Variants in RIC3 observed in about 807,000 individuals in gnomAD.
RIC3 encodes RIC3 acetylcholine receptor chaperone, also known as protein RIC-3.
A neutral mutation model predicts 27.3 loss-of-function variants in RIC3; 28 were observed. The observed-to-expected ratio is 1.02, with a 90% CI of 0.76 to 1.41. The LOEUF (loss-of-function observed/expected upper bound fraction) is 1.41, where lower values mean the gene tolerates loss of function less well. Among genes scored for constraint, RIC3 ranks in the 40% most tolerant of loss-of-function variants. RIC3 has a pLI of 0.00. For synonymous variants in RIC3, 184 were observed against 160.4 expected (o/e 1.15, Z -1.11); for missense variants, 501 against 444.7 (o/e 1.13, Z -1.14).
the RIC3 span, chr11:8,097,739 G>C: frequency 6.2e-7 from 1 of 1,614,046 alleles, no homozygotes; most frequent in Non-Finnish European, 8.5e-7. Flanking sequence ...GGAAGGAAGA[G>C]AAAGAAGAGT....
chr11:8,129,548 C>T (rs571850836), intron 4 of RIC3, among the ~76,000 whole-genome samples: 1 of 151,642 alleles, frequency 6.6e-6, no homozygotes, highest in South Asian at 2.1e-4. Context: ...ACTGCATGAA[C>T]AGGAAGACCA....
At chr11:8,156,121 G>A (rs769661165) in intron 1 of RIC3, among the ~76,000 whole-genome samples, 2 of 151,762 alleles carry the variant, frequency 1.3e-5, no homozygotes, top group African/African-American at 2.4e-5. Context: ...CACAGGGCCC[G>A]ATCCACACAC....
intron 5 of RIC3, among the ~76,000 whole-genome samples, chr11:8,124,743 T>C (rs145803305): frequency 6.6e-6 from 1 of 152,264 alleles, no homozygotes; most frequent in African/African-American, 2.4e-5. Context: ...AACTGGTTTG[T>C]CAAGCAAATG....
intron 1 of RIC3, chr11:8,153,320 C>CTT (rs1486912491): frequency 5.2e-6 from 2 of 386,724 alleles, no homozygotes; most frequent in East Asian, 7.5e-5. Context: ...GAATCTCTGT[C>CTT]TTTAAAAAGA....
chr11:8,145,531 A>C (rs544288748), intron 1 of RIC3, among the ~76,000 whole-genome samples: 1 of 151,948 alleles, frequency 6.6e-6, no homozygotes, highest in Non-Finnish European at 1.5e-5. Flanking sequence ...GTAGGTATAC[A>C]TCTCTTTCCA....
At chr11:8,096,568 T>C in the RIC3 span, 4 of 737,498 alleles carry the variant, frequency 5.4e-6, no homozygotes, top group Non-Finnish European at 9.9e-6. Flanking sequence ...AGTGTGTGCA[T>C]AAGTTTGTGG....
chr11:8,163,028 CACACACACACACACACACACACAT>C (rs1951328507), intron 1 of RIC3, among the ~76,000 whole-genome samples: 1 of 143,562 alleles, frequency 7.0e-6, no homozygotes, highest in South Asian at 2.3e-4. Context: ...AACACACACA[CACACACACACACACACACACACAT>C]ACACACACAC....
At chr11:8,134,864 T>A (rs1364126002) in intron 4 of RIC3, among the ~76,000 whole-genome samples, 1 of 152,216 alleles carries the variant, frequency 6.6e-6, no homozygotes. Context: ...GTAAATTTGT[T>A]TGAGTTCATC....
intron 4 of RIC3, among the ~76,000 whole-genome samples, chr11:8,136,430 C>A (rs1200735747): frequency 6.6e-6 from 1 of 152,218 alleles, no homozygotes; most frequent in Non-Finnish European, 1.5e-5. Flanking sequence ...GAAGACCTAG[C>A]TGAAACTGAA....
At chr11:8,140,816 G>A (rs151025993) in intron 1 of RIC3, among the ~76,000 whole-genome samples, 1 of 152,090 alleles carries the variant, frequency 6.6e-6, no homozygotes, top group African/African-American at 2.4e-5. Flanking sequence ...AGAAAATACA[G>A]ACTAACAGCG....
chr11:8,094,336 G>A, the RIC3 span: 94 of 1,101,054 alleles, frequency 8.5e-5, no homozygotes, highest in African/African-American at 1.4e-3. Flanking sequence ...ACCCCCTCAG[G>A]TGGCTCACAG....
At chr11:8,150,369 TGGA>T (rs1162617359) in intron 1 of RIC3, among the ~76,000 whole-genome samples, 2 of 152,220 alleles carry the variant, frequency 1.3e-5, no homozygotes, top group African/African-American at 4.8e-5. Flanking sequence ...ATAGAGCTCA[TGGA>T]GGAGTTGTCA....
At chr11:8,122,440 T>G (rs913416894) in intron 5 of RIC3, among the ~76,000 whole-genome samples, 4 of 152,198 alleles carry the variant, frequency 2.6e-5, no homozygotes, top group Non-Finnish European at 5.9e-5. Context: ...TATTGCTAAG[T>G]GTATACCACA....
rs1363669637 is a variant in RIC3 at position 8,137,461 on chromosome 11, C to T, written c.438G>A (p.Glu146=). 1 of 1,613,842 alleles carries T rather than the reference C, an allele frequency of 6.2e-7. No homozygotes were observed. The highest frequency in any genetic ancestry group is 1.1e-5 in the South Asian group (1 of 91,084). ...GNTHRKITSF[E]LAQLQEKLKE... ...TCAGTTTTTCTTGCAGTTGAGCAAG[C>T]TCAAAACTGGCTAAAAAATAAGCAA... is the stretch of plus-strand genomic sequence containing the variant. Residue 146 remains glutamate, a synonymous_variant, in exon 4 of 6, where the codon GAG becomes GAA. Transcript: ENST00000309737.
chr11:8,121,970 T>C (rs113181707), intron 5 of RIC3, among the ~76,000 whole-genome samples: 713 of 152,262 alleles, frequency 4.7e-3, no homozygotes, highest in Non-Finnish European at 8.2e-3. Context: ...GGCATGCACC[T>C]GGAGTCCCAG....
intron 1 of RIC3, among the ~76,000 whole-genome samples, chr11:8,153,881 G>C (rs2134159509): frequency 6.6e-6 from 1 of 152,168 alleles, no homozygotes; most frequent in African/African-American, 2.4e-5. Context: ...TCAGGCTTGA[G>C]ACCTACAACC....
rs1469371578 is a variant in RIC3, at chr11:8,120,001, C to T, written c.670+6658G>A. ...AAAACCACAATGAGATACCATCTCA[C>T]GCCAGTTAGAATGGCAATCGTTAAA... On this transcript the variant is annotated intron_variant, in intron 5 of 5. Transcript: ENST00000309737. 3.9e-5 allele frequency among the ~76,000 whole-genome samples: 6 copies of T among 152,186 alleles called. No homozygotes were observed. The East Asian group carries it at 5.8e-4, about 15-fold the overall frequency.
At chr11:8,093,111 T>G in the RIC3 span, among the ~76,000 whole-genome samples, 140,285 of 152,020 alleles carry the variant, frequency 0.92, 65,785 homozygotes, top group East Asian at 1. Flanking sequence ...GGTCACGGGG[T>G]TGCTTTGTGG....
At chr11:8,125,017 G>A (rs1946842445) in intron 5 of RIC3, among the ~76,000 whole-genome samples, 1 of 152,124 alleles carries the variant, frequency 6.6e-6, no homozygotes, top group African/African-American at 2.4e-5. Context: ...ACTTTGGGAT[G>A]CCGAAGTGGG....
Sources: gnomAD v4.1 joint callset for allele counts (sites outside exome capture counted in the v4.1 genomes callset) on GRCh38, gnomAD v4.1.1 for gene constraint, MANE v1.5 for transcripts, NCBI Gene and HGNC (gene_info 2026-07-23, HGNC 2026-07-21) for gene names.